HOPX: variants seen among roughly 807,000 people sequenced by gnomAD.
The protein encoded by HOPX is HOP homeobox, also known as homeodomain-only protein.
A neutral mutation model predicts 11.8 loss-of-function variants in HOPX; 5 were observed. That is an observed-to-expected ratio of 0.43 (90% CI 0.22 to 0.89). The LOEUF (loss-of-function observed/expected upper bound fraction) is 0.89, where lower values mean the gene tolerates loss of function less well. Among genes scored for constraint, HOPX ranks in the 40% least tolerant of loss-of-function variants. The pLI is 0.28. For synonymous variants in HOPX, 49 were observed against 49.7 expected (o/e 0.99, Z 0.06); for missense variants, 119 against 120.0 (o/e 0.99, Z 0.04).
chr4:56,668,705 G>C (rs759451931), intron 1 of HOPX, among the ~76,000 whole-genome samples: 41 of 152,164 alleles, frequency 2.7e-4, no homozygotes, highest in Admixed American at 2.6e-4. Flanking sequence ...AGCACTAGTT[G>C]CAGAGGGAAT....
intron 1 of HOPX, among the ~76,000 whole-genome samples, chr4:56,675,554 G>A (rs1718964760): frequency 6.6e-6 from 1 of 151,620 alleles, no homozygotes; most frequent in Admixed American, 6.5e-5. Context: ...AGCTCAGCCT[G>A]GAGTTCTGGG....
upstream of HOPX, chr4:56,681,548 T>C: frequency 1.0e-6 from 1 of 1,000,202 alleles, no homozygotes; most frequent in Non-Finnish European, 1.2e-6. Context: ...CTGACCTCTC[T>C]CCTAGCCAAG....
At chr4:56,656,517 T>C (rs1717758282) in intron 2 of HOPX, 2 of 981,346 alleles carry the variant, frequency 2.0e-6, no homozygotes, top group South Asian at 9.4e-5. Context: ...GGCGGCCTTC[T>C]GTCTCCGCAG....
chr4:56,651,446 C>T (rs1717162048), intron 3 of HOPX, among the ~76,000 whole-genome samples: 1 of 152,184 alleles, frequency 6.6e-6, no homozygotes, highest in Admixed American at 6.5e-5. Context: ...ATCTCATGCA[C>T]ATCAGTGCTA....
In HOPX at chr4:56,648,607, G is replaced by T; in HGVS notation, c.*113C>A. The T allele has an allele frequency of 1.5e-6, 1 of 653,228 alleles. No homozygotes were observed. The highest frequency in any genetic ancestry group is 2.7e-6 in the Non-Finnish European group (1 of 376,264). 40.5% of individuals were successfully genotyped at this position (653,228 alleles called of 1,614,324 possible). The stretch of plus-strand genomic sequence containing the variant: ...CAACACTGTGTTAAACAGCAGGACA[G>T]CTAGCAATGGAACATACAACACTAT... On this transcript the variant is annotated 3_prime_UTR_variant, in exon 4 of 4. Coordinates refer to ENST00000420433, the MANE Select transcript of HOPX (RefSeq NM_032495.6).
At chr4:56,679,936 T>C (rs1719237605) in intron 1 of HOPX, 1 of 152,232 alleles carries the variant, frequency 6.6e-6, no homozygotes, top group Non-Finnish European at 1.5e-5. Context: ...TTCTTTTCTC[T>C]TCCTCTTGGC....
intron 1 of HOPX, chr4:56,664,039 G>A (rs1481319956): frequency 6.6e-6 from 1 of 152,090 alleles, no homozygotes; most frequent in African/African-American, 2.4e-5. Context: ...ATATAATAAT[G>A]TCTACCTTTG....
chr4:56,656,146 A>G (rs1417104286), intron 2 of HOPX, 134 bp from the exon 3 acceptor site: 2 of 1,176,536 alleles, frequency 1.7e-6, no homozygotes, highest in African/African-American at 3.3e-5. Context: ...CGGCCGCGCA[A>G]GTCCCCGGTG....
intron 1 of HOPX, among the ~76,000 whole-genome samples, chr4:56,678,322 C>A (rs1719126869): frequency 6.6e-6 from 1 of 151,460 alleles, no homozygotes; most frequent in Non-Finnish European, 1.5e-5. Context: ...TTTGATTTCA[C>A]TGGTTTTCAT....
chr4:56,667,697 A>G (rs144831587), intron 1 of HOPX, among the ~76,000 whole-genome samples: 17 of 152,242 alleles, frequency 1.1e-4, no homozygotes, highest in Non-Finnish European at 2.1e-4. Context: ...AAGAGTGAAA[A>G]ACAGCCTCCT....
At chr4:56,658,954 A>G (rs2109495397) in intron 1 of HOPX, among the ~76,000 whole-genome samples, 2 of 152,362 alleles carry the variant, frequency 1.3e-5, no homozygotes, top group East Asian at 1.9e-4. Flanking sequence ...TGGGGTAGAC[A>G]GTTGGGTCAA....
chr4:56,672,915 T>C (rs1718819022), intron 1 of HOPX: 1 of 152,204 alleles, frequency 6.6e-6, no homozygotes, highest in Non-Finnish European at 1.5e-5. Context: ...CAATCTCTTA[T>C]TAAAGTACAA....
In HOPX at chr4:56,648,417, G is replaced by T; in HGVS notation, c.*303C>A. 1 of 282,188 alleles carries T rather than the reference G, an allele frequency of 3.5e-6. No individual in the cohort carries two copies. Among genetic ancestry groups the T allele is most frequent in the Non-Finnish European group, 6.6e-6 (1 of 152,328 alleles). 17.5% of individuals were successfully genotyped at this position (282,188 alleles called of 1,614,324 possible). A position where few individuals can be genotyped will look rare whatever the true frequency, so the allele number is the denominator to read the frequency against. On this transcript the variant is annotated 3_prime_UTR_variant, in exon 4 of 4. Transcript: ENST00000420433. The stretch of plus-strand genomic sequence containing the variant: ...AAGCAAATTGCTACTGGGAGGTGAT[G>T]GTCAAAAGCAAACTTAGATGGTTTT...
chr4:56,679,976 C>T (rs553833865), intron 1 of HOPX: 1 of 152,210 alleles, frequency 6.6e-6, no homozygotes, highest in African/African-American at 2.4e-5. Flanking sequence ...AGATATAGCC[C>T]TTAATCATTA....
intron 1 of HOPX, chr4:56,665,406 C>T (rs1332725724): frequency 6.6e-6 from 1 of 152,214 alleles, no homozygotes; most frequent in Non-Finnish European, 1.5e-5. Flanking sequence ...CATTGGATGG[C>T]TGTTGAACAG....
chr4:56,656,144 C>G, intron 2 of HOPX, 132 bp from the exon 3 acceptor site: 1 of 1,186,324 alleles, frequency 8.4e-7, no homozygotes, highest in Non-Finnish European at 1.1e-6. Flanking sequence ...CACGGCCGCG[C>G]AAGTCCCCGG....
At chr4:56,681,019 T>TCCC in intron 1 of HOPX, 4 of 985,094 alleles carry the variant, frequency 4.1e-6, no homozygotes, top group Non-Finnish European at 4.8e-6. Flanking sequence ...CAACACCAAC[T>TCCC]CCCCTTCCTC....
At position 56,648,803 on chromosome 4, in the gene HOPX, A is replaced by G; in HGVS notation, c.199-6T>C. On this transcript the variant is annotated splice_region_variant and splice_polypyrimidine_tract_variant and intron_variant, in intron 3 of 3. Transcript: ENST00000420433. ...AGGCGCTGCTTAAACCATTTCTGGA[A>G]GAGAGAAATGAGAAAAAATATTTGT... 4 of 1,604,754 alleles carry G rather than the reference A, an allele frequency of 2.5e-6. No individual in the cohort carries two copies. Among genetic ancestry groups the G allele is most frequent in the African/African-American group, 1.3e-5 (1 of 74,918 alleles).
chr4:56,656,406 C>G, intron 2 of HOPX: 1 of 993,796 alleles, frequency 1.0e-6, no homozygotes, highest in Non-Finnish European at 1.2e-6. Flanking sequence ...CCCTTAAAAA[C>G]TTCCTCCCGA....
Sources: allele counts gnomAD v4.1 joint callset (sites outside exome capture counted in the v4.1 genomes callset), GRCh38; gene constraint gnomAD v4.1.1; transcripts MANE v1.5; gene names NCBI Gene and HGNC (gene_info 2026-07-23, HGNC 2026-07-21).